SNX29: variants seen among roughly 807,000 people sequenced by gnomAD.
SNX29 encodes sorting nexin-29.
In SNX29, 78 loss-of-function variants were observed where a neutral mutation model predicts 102.1. The ratio of observed to expected loss-of-function variants is 0.76; its 90% CI spans 0.64 to 0.92. SNX29 has a LOEUF of 0.92. SNX29 is among the 40% of genes least tolerant of loss of function. The pLI is 0.00. For synonymous variants in SNX29, 580 were observed against 414.5 expected (o/e 1.40, Z -4.85); for missense variants, 1,280 against 1,061.7 (o/e 1.21, Z -2.86).
chr16:12,101,301 C>G (rs867334456), intron 11 of SNX29, among the ~76,000 whole-genome samples: 1 of 118,582 alleles, frequency 8.4e-6, no homozygotes, highest in Non-Finnish European at 1.6e-5. Flanking sequence ...CCCCCCCCAA[C>G]TTTTTTTTTT....
chr16:12,572,125 CTGCTTCATACT>C lies in SNX29; in HGVS notation c.*3498_*3508del. ...CTGGGTCTGATCACAGCCCTTGGCC[CTGCTTCATACT>C]TTGGAGCTTATTAAGATCAATTTTG... On this transcript the variant is annotated 3_prime_UTR_variant, in exon 21 of 21. Coordinates refer to ENST00000566228, the MANE Select transcript of SNX29 (RefSeq NM_032167.5). The C allele has an allele frequency of 9.7e-7, 1 of 1,026,808 alleles. No homozygotes were observed. The highest frequency in any genetic ancestry group is 1.2e-6 in the Non-Finnish European group (1 of 844,630). 63.6% of individuals were successfully genotyped at this position (1,026,808 alleles called of 1,614,324 possible).
chr16:12,548,309 C>CT (rs1567171870), intron 20 of SNX29, among the ~76,000 whole-genome samples: 1 of 152,176 alleles, frequency 6.6e-6, no homozygotes, highest in Non-Finnish European at 1.5e-5. Context: ...CCCTGGAGCC[C>CT]TACTCTCCTG....
chr16:12,542,132 A>C (rs1371554050), intron 20 of SNX29, among the ~76,000 whole-genome samples: 10 of 152,052 alleles, frequency 6.6e-5, no homozygotes, highest in African/African-American at 2.4e-4. Context: ...CAGCATTTCC[A>C]ATTCAGCCCA....
intron 11 of SNX29, among the ~76,000 whole-genome samples, chr16:12,088,492 G>T (rs2052329316): frequency 6.6e-6 from 1 of 152,182 alleles, no homozygotes; most frequent in Non-Finnish European, 1.5e-5. Flanking sequence ...GCTTGGCTCA[G>T]GGAGCGTAAG....
In SNX29 at chr16:12,511,396, C is replaced by T. The variant is rs567305332; in HGVS notation, c.2179-13306C>T. On this transcript the variant is annotated intron_variant, in intron 19 of 20. Coordinates refer to ENST00000566228, the MANE Select transcript of SNX29 (RefSeq NM_032167.5). The stretch of plus-strand genomic sequence containing the variant: ...CAAATGGGGATATTACTGTCTATTT[C>T]CCAAAGCTGTTGCAGGGGTATGCTG... Among the ~76,000 whole-genome samples the T allele has an allele frequency of 4.4e-4, 67 of 152,090 alleles. 1 individual carries two copies. The highest frequency in any genetic ancestry group is 6.2e-4 in the South Asian group (3 of 4,820).
chr16:12,412,144 G>A (rs781316691), intron 18 of SNX29, among the ~76,000 whole-genome samples: 4 of 152,202 alleles, frequency 2.6e-5, no homozygotes, highest in Non-Finnish European at 5.9e-5. Context: ...GCCGGCCATC[G>A]GGTAGGACGC....
At chr16:12,339,975 A>G (rs1187456914) in intron 15 of SNX29, among the ~76,000 whole-genome samples, 1 of 152,214 alleles carries the variant, frequency 6.6e-6, no homozygotes, top group Non-Finnish European at 1.5e-5. Context: ...ATTAGCCAAA[A>G]AAGAGGGGAA....
chr16:12,143,766 A>C (rs1703515), intron 13 of SNX29, among the ~76,000 whole-genome samples: 17,159 of 152,204 alleles, frequency 0.11, 1,382 homozygotes, highest in East Asian at 0.22. Context: ...TGTTGCTCAG[A>C]TGTAACTAGC....
At position 12,139,581 on chromosome 16, in the gene SNX29, C is replaced by A. The variant is rs373997995; in HGVS notation, c.1595+9823C>A. Among the ~76,000 whole-genome samples, 13 of 152,304 alleles carry A rather than the reference C, an allele frequency of 8.5e-5. No individual in the cohort carries two copies. In the East Asian group the frequency reaches 1.7e-3, roughly 20 times the overall value. ...GGCATCTTCTCTTGGCACAAAGCAG[C>A]CAGTTAGGCTGGGCTTTAGACCTGT... On this transcript the variant is annotated intron_variant, in intron 13 of 20. Transcript: ENST00000566228.
intron 18 of SNX29, among the ~76,000 whole-genome samples, chr16:12,421,199 A>G (rs1055379546): frequency 6.6e-6 from 1 of 152,208 alleles, no homozygotes; most frequent in African/African-American, 2.4e-5. Context: ...ACAGACTGAG[A>G]AGCCAAGCCA....
At chr16:12,258,456 G>T (rs1221491726) in intron 14 of SNX29, among the ~76,000 whole-genome samples, 2 of 152,144 alleles carry the variant, frequency 1.3e-5, no homozygotes, top group Admixed American at 6.5e-5. Context: ...CAGCCTCCAT[G>T]TCTGCAGGAG....
intron 20 of SNX29, among the ~76,000 whole-genome samples, chr16:12,564,578 A>ACG (rs1383143699): frequency 6.6e-6 from 1 of 152,148 alleles, no homozygotes; most frequent in African/African-American, 2.4e-5. Flanking sequence ...TGCCATCCAG[A>ACG]CGCCCCTTTT....
At chr16:12,270,086 C>T (rs553221700) in intron 14 of SNX29, among the ~76,000 whole-genome samples, 1 of 152,186 alleles carries the variant, frequency 6.6e-6, no homozygotes, top group South Asian at 2.1e-4. Flanking sequence ...GTCTCAAATT[C>T]CTGACCTCAA....
At chr16:12,040,384 A>G (rs2049831263) in intron 4 of SNX29, among the ~76,000 whole-genome samples, 1 of 152,184 alleles carries the variant, frequency 6.6e-6, no homozygotes, top group Admixed American at 6.5e-5. Context: ...AATAATAATT[A>G]ATTTAAAATG....
At chr16:12,091,024 AAAAAAAAAAAAAAAG>A (rs2052504772) in intron 11 of SNX29, among the ~76,000 whole-genome samples, 1 of 133,504 alleles carries the variant, frequency 7.5e-6, no homozygotes, top group African/African-American at 2.9e-5. Flanking sequence ...CAAAAAAAAA[AAAAAAAAAAAAAAAG>A]AAAGAAAAAG....
rs397854786 is a variant in SNX29 at position 12,181,883 on chromosome 16, C to CT, written c.1596-17703dup. Among the ~76,000 whole-genome samples, 894 of 141,232 alleles carry CT rather than the reference C, an allele frequency of 6.3e-3. 7 individuals carry two copies. The highest frequency in any genetic ancestry group is 0.019 in the East Asian group (92 of 4,904). 92.7% of individuals were successfully genotyped at this position (141,232 alleles called of 152,430 possible). A position where few individuals can be genotyped will look rare whatever the true frequency, so the allele number is the denominator to read the frequency against. ...GTAAATGCTGTCTGTGGGCTTCTGC[C>CT]TTTTTTTTTTTTTTTCTGGAGACGG... On this transcript the variant is annotated intron_variant, in intron 13 of 20. Coordinates refer to ENST00000566228, the MANE Select transcript of SNX29 (RefSeq NM_032167.5).
chr16:12,261,063 C>T (rs1190915603), intron 14 of SNX29, among the ~76,000 whole-genome samples: 2 of 139,142 alleles, frequency 1.4e-5, no homozygotes, highest in African/African-American at 5.4e-5. Context: ...GGGGTCTGCG[C>T]ATGAGTCCCT....
intron 13 of SNX29, among the ~76,000 whole-genome samples, chr16:12,172,462 C>A (rs7499070): frequency 6.6e-6 from 1 of 152,112 alleles, no homozygotes; most frequent in Non-Finnish European, 1.5e-5. Context: ...GGTGGGATCC[C>A]ACCTCTACCA....
chr16:12,299,400 G>C (rs1487637074), intron 15 of SNX29, among the ~76,000 whole-genome samples: 4 of 152,174 alleles, frequency 2.6e-5, no homozygotes, highest in African/African-American at 4.8e-5. Context: ...CCTATCTTCA[G>C]CCCATGGACG....
Sources: gnomAD v4.1 joint callset for allele counts (sites outside exome capture counted in the v4.1 genomes callset) on GRCh38, gnomAD v4.1.1 for gene constraint, MANE v1.5 for transcripts, NCBI Gene and HGNC (gene_info 2026-07-23, HGNC 2026-07-21) for gene names.